Variants in MEF2A observed in about 807,000 individuals in gnomAD.
MEF2A encodes the protein myocyte-specific enhancer factor 2A.
A neutral mutation model predicts 55.8 loss-of-function variants in MEF2A; 28 were observed. The ratio of observed to expected loss-of-function variants is 0.50; its 90% CI spans 0.37 to 0.69. The LOEUF (loss-of-function observed/expected upper bound fraction) is 0.69. Ranked by LOEUF, MEF2A falls within the 30% of genes least tolerant of loss-of-function variation. The pLI, the probability that MEF2A is intolerant of heterozygous loss-of-function variation, is 0.00. For synonymous variants in MEF2A, 239 were observed against 227.1 expected, an observed-to-expected ratio of 1.05 and a Z score of -0.47; for missense variants, 528 against 626.2, an observed-to-expected ratio of 0.84 and a Z score of 1.67.
At position 99,694,725 on chromosome 15, in the gene MEF2A, T is replaced by G. The variant is rs560813785; in HGVS notation, c.858+4297T>G. Among the ~76,000 whole-genome samples, 9 of 152,220 alleles carry G rather than the reference T, an allele frequency of 5.9e-5. No individual in the cohort carries two copies. In the East Asian group the frequency reaches 1.2e-3, roughly 20 times the overall value. ...ATGTTCAGCCCACACTTTTAAGGAGTGGGGAGTTAAGGCTTCACTTTCTTA... is the reference window on the plus strand; with the variant it reads ...ATGTTCAGCCCACACTTTTAAGGAGGGGGGAGTTAAGGCTTCACTTTCTTA... On this transcript the variant is annotated intron_variant, in intron 8 of 11. Coordinates refer to ENST00000557942, the MANE Select transcript of MEF2A (RefSeq NM_001319206.4).
At chr15:99,579,479 C>A (rs993624477) in intron 1 of MEF2A, among the ~76,000 whole-genome samples, 3 of 152,146 alleles carry the variant, frequency 2.0e-5, no homozygotes, top group African/African-American at 7.2e-5. Flanking sequence ...AGTGCAACCT[C>A]TGCCTCCCAG....
intron 8 of MEF2A, among the ~76,000 whole-genome samples, chr15:99,699,394 GGA>G (rs2057022159): frequency 6.6e-6 from 1 of 152,216 alleles, no homozygotes; most frequent in South Asian, 2.1e-4. Flanking sequence ...GGTTGGGAGT[GGA>G]GAGAGGAGTT....
intron 8 of MEF2A, among the ~76,000 whole-genome samples, chr15:99,694,007 A>G (rs1296659034): frequency 1.3e-5 from 2 of 152,240 alleles, no homozygotes; most frequent in African/African-American, 4.8e-5. Context: ...CTGATACGTT[A>G]TTATTAACTG....
chr15:99,705,655 G>T lies in MEF2A; in HGVS notation c.883-1074G>T, dbSNP rs147102123. Among the ~76,000 whole-genome samples, 490 of 152,298 alleles carry T rather than the reference G, an allele frequency of 3.2e-3. 4 individuals are homozygous for T. Among genetic ancestry groups the T allele is most frequent in the African/African-American group, 0.011 (468 of 41,578 alleles). On this transcript the variant is annotated intron_variant, in intron 9 of 11. Coordinates refer to ENST00000557942, the MANE Select transcript of MEF2A (RefSeq NM_001319206.4). ...AGATCAGGATCCTCATCGAATGTTT[G>T]TAAGTGTCTACATCTAGCCAAAGGC...
At chr15:99,589,195 T>C (rs993539253) in intron 1 of MEF2A, among the ~76,000 whole-genome samples, 1 of 152,248 alleles carries the variant, frequency 6.6e-6, no homozygotes, top group African/African-American at 2.4e-5. Context: ...GTTTGGAGTT[T>C]TCTTTGTGGA....
chr15:99,644,097 G>T (rs142475379), intron 3 of MEF2A, among the ~76,000 whole-genome samples: 180 of 152,238 alleles, frequency 1.2e-3, no homozygotes, highest in African/African-American at 4.0e-3. Flanking sequence ...ATATTTGAGC[G>T]GTCATATAAT....
chr15:99,690,107 A>T (rs138588138), intron 7 of MEF2A, 134 bp from the exon 8 acceptor site: 91 of 783,532 alleles, frequency 1.2e-4, no homozygotes, highest in Middle Eastern at 1.1e-3. Context: ...CATTTCGGAC[A>T]AGGGATACTC....
Position 99,645,648 on chromosome 15 carries a change from T to G in MEF2A, c.142T>G (p.Phe48Val), listed in dbSNP as rs368747387. ...LCDCEIALII[F>V]NSSNKLFQYA... ...TGACTGTGAAATAGCACTCATCATT[T>G]TCAACAGCTCTAACAAACTGTTTCA... is the stretch of plus-strand genomic sequence containing the variant. The change falls in exon 4 of 12, where the codon TTC becomes GTC. Residue 48 changes from phenylalanine (F) to valine (V), a missense_variant. Around this residue, in one of 2 missense-constraint regions of MEF2A, gnomAD observed 78 missense variants for 150.9 expected, o/e 0.52. Coordinates refer to ENST00000557942, the MANE Select transcript of MEF2A (RefSeq NM_001319206.4). 1.2e-6 allele frequency: 2 copies of G among 1,613,640 alleles called. No homozygotes were observed. Among genetic ancestry groups the G allele is most frequent in the Non-Finnish European group, 1.7e-6 (2 of 1,179,714 alleles).
chr15:99,667,437 A>G (rs965946984), intron 4 of MEF2A, among the ~76,000 whole-genome samples: 1 of 152,060 alleles, frequency 6.6e-6, no homozygotes, highest in African/African-American at 2.4e-5. Context: ...TGTTAGCAGG[A>G]TGGTCTCAAT....
Position 99,712,657 on chromosome 15 carries a change from G to T in MEF2A, c.1404G>T (p.Arg468=). ...SSSSSYDGSD[R]EDPRGDFHSP... is the part of the protein sequence containing the mutation. ...GTAGCTCCTATGATGGCAGTGATCG[G>T]GAGGATCCACGGGGCGACTTCCATT... Residue 468 remains arginine (R), a synonymous_variant, in exon 12 of 12, where the codon CGG becomes CGT. Transcript: ENST00000557942. The surrounding 1 kb of genome is among the most constrained non-coding windows in gnomAD (Gnocchi z 4.1). 1 of 1,555,484 alleles carries T rather than the reference G, an allele frequency of 6.4e-7. No individual in the cohort carries two copies.
chr15:99,679,855 A>T (rs1051574368), intron 7 of MEF2A, among the ~76,000 whole-genome samples: 1 of 152,256 alleles, frequency 6.6e-6, no homozygotes, highest in Non-Finnish European at 1.5e-5. Flanking sequence ...TTTTTAAATT[A>T]TAAGAGAAAA....
At chr15:99,636,915 T>C (rs2043968118) in intron 3 of MEF2A, among the ~76,000 whole-genome samples, 1 of 152,194 alleles carries the variant, frequency 6.6e-6, no homozygotes, top group Non-Finnish European at 1.5e-5. Flanking sequence ...GATATTTAGT[T>C]GTCCCAGTAC....
chr15:99,608,765 A>G (rs1402493000), intron 2 of MEF2A, among the ~76,000 whole-genome samples: 1 of 152,020 alleles, frequency 6.6e-6, no homozygotes, highest in Non-Finnish European at 1.5e-5. Flanking sequence ...GCTGGGCGTG[A>G]TGGCAGGCGT....
At chr15:99,597,824 G>A (rs909936232) in intron 1 of MEF2A, among the ~76,000 whole-genome samples, 6 of 152,092 alleles carry the variant, frequency 3.9e-5, no homozygotes, top group Non-Finnish European at 8.8e-5. Flanking sequence ...CAGATTCCCC[G>A]ATAACTAGTG....
At chr15:99,607,018 T>G (rs911789351) in intron 2 of MEF2A, among the ~76,000 whole-genome samples, 1 of 152,158 alleles carries the variant, frequency 6.6e-6, no homozygotes, top group African/African-American at 2.4e-5. Flanking sequence ...TGGATAAATA[T>G]CACAAGATGT....
intron 4 of MEF2A, among the ~76,000 whole-genome samples, chr15:99,670,757 G>T (rs117991243): frequency 0.015 from 2,218 of 152,298 alleles, 31 homozygotes; most frequent in South Asian, 0.026. Flanking sequence ...CTACATAGGA[G>T]TCATTGCAGA....
intron 2 of MEF2A, among the ~76,000 whole-genome samples, chr15:99,627,405 G>A (rs1324537631): frequency 9.1e-6 from 1 of 110,306 alleles, no homozygotes; most frequent in Non-Finnish European, 1.7e-5. Flanking sequence ...GGGCGACAGA[G>A]TGAGACTTTA....
intron 1 of MEF2A, among the ~76,000 whole-genome samples, chr15:99,585,877 TG>T (rs1291644577): frequency 1.3e-5 from 2 of 152,208 alleles, no homozygotes; most frequent in Non-Finnish European, 2.9e-5. Flanking sequence ...GTATGAATTG[TG>T]GATCTTTTTG....
chr15:99,695,570 T>TGTGTGTGTGTG (rs200260929), intron 8 of MEF2A, among the ~76,000 whole-genome samples: 1 of 151,652 alleles, frequency 6.6e-6, no homozygotes, highest in Non-Finnish European at 1.5e-5. Flanking sequence ...TGTGTGTGTG[T>TGTGTGTGTGTG]TTCTTAAAAA....
Sources: gnomAD v4.1 joint callset for allele counts (sites outside exome capture counted in the v4.1 genomes callset) on GRCh38, gnomAD v4.1.1 for gene constraint, gnomAD v4.1.1 regional missense constraint, Gnocchi (gnomAD v3.1) non-coding constraint, MANE v1.5 for transcripts, NCBI Gene and HGNC (gene_info 2026-07-23, HGNC 2026-07-21) for gene names.